EPS15L1: variants seen among roughly 807,000 people sequenced by gnomAD.
EPS15L1 encodes the protein epidermal growth factor receptor pathway substrate 15 like 1.
Under a neutral mutation model 117.1 loss-of-function variants are expected in EPS15L1, and 43 were observed. The ratio of observed to expected loss-of-function variants is 0.37; its 90% CI spans 0.29 to 0.47. The LOEUF is 0.47. Among genes scored for constraint, EPS15L1 ranks in the 20% least tolerant of loss-of-function variants. The pLI is 0.99. For missense variants in EPS15L1, 981 were observed against 1,164.0 expected (o/e 0.84, Z 2.29); for synonymous variants, 459 against 470.5 (o/e 0.98, Z 0.32).
At chr19:16,449,898 C>T (rs998338294) in intron 1 of EPS15L1, among the ~76,000 whole-genome samples, 2 of 152,138 alleles carry the variant, frequency 1.3e-5, no homozygotes, top group Admixed American at 6.6e-5. Context: ...AAGGCCAAAC[C>T]TCAAAGGTTA....
chr19:16,377,348 G>A, intron 21 of EPS15L1, 94 bp from the exon 22 acceptor site: 1 of 1,444,292 alleles, frequency 6.9e-7, no homozygotes, highest in Non-Finnish European at 9.5e-7. Context: ...CAAGGGCCCT[G>A]GCAAGGCCTC....
intron 10 of EPS15L1, among the ~76,000 whole-genome samples, chr19:16,419,569 C>T (rs2092794465): frequency 6.6e-6 from 1 of 152,214 alleles, no homozygotes; most frequent in Non-Finnish European, 1.5e-5. Flanking sequence ...CCATGCTGCC[C>T]TCTCAACGAG....
intron 1 of EPS15L1, among the ~76,000 whole-genome samples, chr19:16,451,774 C>G (rs1599672548): frequency 6.6e-6 from 1 of 150,994 alleles, no homozygotes; most frequent in Non-Finnish European, 1.5e-5. Context: ...CGTGATCCAC[C>G]CGCCTCGGCC....
intron 8 of EPS15L1, among the ~76,000 whole-genome samples, chr19:16,427,893 C>CA (rs1378022806): frequency 1.7e-4 from 24 of 139,834 alleles, no homozygotes; most frequent in South Asian, 4.6e-4. Flanking sequence ...GACTCCGTGT[C>CA]AAAAAAAAAG....
intron 19 of EPS15L1, among the ~76,000 whole-genome samples, chr19:16,389,561 C>G (rs939482162): frequency 2.0e-5 from 3 of 152,158 alleles, no homozygotes; most frequent in Non-Finnish European, 2.9e-5. Flanking sequence ...AACCAATCTT[C>G]AGTAACAAAT....
chr19:16,375,947 G>A (rs559578250), intron 22 of EPS15L1, among the ~76,000 whole-genome samples: 11 of 152,330 alleles, frequency 7.2e-5, no homozygotes, highest in East Asian at 1.9e-4. Flanking sequence ...AGGGTCACTC[G>A]TAACTAGTGA....
intron 1 of EPS15L1, among the ~76,000 whole-genome samples, chr19:16,462,043 G>A (rs931773797): frequency 3.3e-5 from 5 of 152,146 alleles, no homozygotes; most frequent in Admixed American, 2.0e-4. Context: ...CGACCCTCCC[G>A]GAGCCCATGG....
Position 16,413,847 on chromosome 19 carries a change from T to C in EPS15L1, c.1194-2A>G. On this transcript the variant is annotated splice_acceptor_variant, in intron 12 of 23. Transcript: ENST00000455140. LOFTEE classifies it high-confidence loss of function. ...TCTTGTTCCAGTGAATATTTCTCTC[T>C]GAATGTTTAAAAATATTTCATGAAA... The C allele has an allele frequency of 6.2e-7, 1 of 1,609,426 alleles. No homozygotes were observed. Among genetic ancestry groups the C allele is most frequent in the African/African-American group, 1.3e-5 (1 of 74,942 alleles).
chr19:16,382,009 G>A (rs1455360868), intron 21 of EPS15L1, among the ~76,000 whole-genome samples: 1 of 152,166 alleles, frequency 6.6e-6, no homozygotes, highest in Admixed American at 6.5e-5. Flanking sequence ...TCGCGCAATA[G>A]GACCCGGGCA....
Position 16,404,868 on chromosome 19 carries a change from G to T in EPS15L1, c.1267-119C>A. 9.0e-7 allele frequency: 1 copy of T among 1,112,240 alleles called. No individual in the cohort carries two copies. The highest frequency in any genetic ancestry group is 1.3e-6 in the Non-Finnish European group (1 of 765,786). The allele number at this position is 1,112,240 out of a possible 1,614,324, so 68.9% of individuals were successfully genotyped here. ...GCCTCCGAAACCACCCACTGTGACC[G>T]TGCTCAGGGCCAGCATTCCGTGCAC... is the stretch of plus-strand genomic sequence containing the variant. On this transcript the variant is annotated intron_variant, in intron 13 of 23. Coordinates refer to ENST00000455140, the MANE Select transcript of EPS15L1 (RefSeq NM_001258374.3). The surrounding 1 kb of genome is among the most constrained non-coding windows in gnomAD (Gnocchi z 4.2).
At chr19:16,411,643 G>A (rs956759181) in intron 13 of EPS15L1, among the ~76,000 whole-genome samples, 3 of 152,054 alleles carry the variant, frequency 2.0e-5, no homozygotes, top group East Asian at 1.9e-4. Flanking sequence ...GACATAAAAC[G>A]GTTCAGTGTT....
At chr19:16,360,143 G>C (rs1270894355) in intron 23 of EPS15L1, among the ~76,000 whole-genome samples, 2 of 151,260 alleles carry the variant, frequency 1.3e-5, no homozygotes, top group African/African-American at 4.9e-5. Context: ...ATGAATTTCA[G>C]AAAGAGAACA....
intron 13 of EPS15L1, chr19:16,412,928 TG>T: frequency 1.5e-6 from 1 of 653,880 alleles, no homozygotes; most frequent in Admixed American, 1.9e-5. Context: ...ATCAAGTCCC[TG>T]GAGGAGAGCT....
intron 13 of EPS15L1, among the ~76,000 whole-genome samples, chr19:16,407,967 T>C (rs896497231): frequency 2.6e-5 from 4 of 151,980 alleles, no homozygotes; most frequent in Non-Finnish European, 5.9e-5. Flanking sequence ...GTCTAAGAAG[T>C]TTGGGGGTGA....
chr19:16,438,625 G>A (rs1474355795), intron 4 of EPS15L1, among the ~76,000 whole-genome samples: 2 of 152,140 alleles, frequency 1.3e-5, no homozygotes, highest in African/African-American at 2.4e-5. Context: ...AAACTCATGG[G>A]CTCAAGCGAT....
rs1253172095 is a variant in EPS15L1, at chr19:16,370,099, T to C, written c.2380+7023A>G. Among the ~76,000 whole-genome samples the C allele has an allele frequency of 6.6e-6, 1 of 152,114 alleles. No individual in the cohort carries two copies. The highest frequency in any genetic ancestry group is 2.4e-5 in the African/African-American group (1 of 41,440). On this transcript the variant is annotated intron_variant, in intron 22 of 23. Coordinates refer to ENST00000455140, the MANE Select transcript of EPS15L1 (RefSeq NM_001258374.3). The surrounding 1 kb of genome is among the most constrained non-coding windows in gnomAD (Gnocchi z 5.2). ...CTGAAAGCTGGTTAGGGGTCGTGCA[T>C]GAAAGGACCCAAAAGAGCCCCTGGG... is the stretch of plus-strand genomic sequence containing the variant.
intron 23 of EPS15L1, 194 bp downstream of exon 23, chr19:16,361,584 TC>T: frequency 7.6e-7 from 1 of 1,317,824 alleles, no homozygotes; most frequent in Non-Finnish European, 9.7e-7. Flanking sequence ...AAACTGCGGC[TC>T]TTTTTTTTTT....
chr19:16,471,906 C>T lies in EPS15L1; in HGVS notation c.33+7G>A. On this transcript the variant is annotated splice_region_variant and intron_variant, in intron 1 of 23. Transcript: ENST00000455140. The surrounding 1 kb of genome is among the most constrained non-coding windows in gnomAD (Gnocchi z 4.8). ...CGGCGCCGCCCCCAGGCCCGCCCGGCCCGTACCTGCTGGGAGAGGGGGATG... is the reference window on the plus strand; with the variant it reads ...CGGCGCCGCCCCCAGGCCCGCCCGGTCCGTACCTGCTGGGAGAGGGGGATG... The T allele has an allele frequency of 7.7e-7, 1 of 1,304,170 alleles. No homozygotes were observed. Among genetic ancestry groups the T allele is most frequent in the South Asian group, 2.2e-5 (1 of 45,746 alleles). 80.8% of individuals were successfully genotyped at this position (1,304,170 alleles called of 1,614,324 possible). A position where few individuals can be genotyped will look rare whatever the true frequency, so the allele number is the denominator to read the frequency against.
At position 16,403,757 on chromosome 19, in the gene EPS15L1, C is replaced by T. The variant is rs2092626608; in HGVS notation, c.1602G>A (p.Lys534=). The T allele has an allele frequency of 6.2e-7, 1 of 1,613,370 alleles. No homozygotes were observed. The highest frequency in any genetic ancestry group is 8.5e-7 in the Non-Finnish European group (1 of 1,180,046). ...CCTGGTTGATTTCGTCTTGCGTTGA[C>T]TTCAGGGACTTGATGATGGTTTCCA... ...VQLETIIKSL[K]STQDEINQAR... is the part of the protein sequence containing the mutation. Residue 534 remains lysine (K), a synonymous_variant, in exon 15 of 24, where the codon AAG becomes AAA. Transcript: ENST00000455140.
Sources: allele counts gnomAD v4.1 joint callset (sites outside exome capture counted in the v4.1 genomes callset), GRCh38; gene constraint gnomAD v4.1.1; non-coding constraint Gnocchi (gnomAD v3.1); transcripts MANE v1.5; gene names NCBI Gene and HGNC (gene_info 2026-07-23, HGNC 2026-07-21).